The following BPIFB6 variants were observed in gnomAD, a reference collection of about 807,000 sequenced individuals.
BPIFB6 encodes BPI fold-containing family B member 6.
Under a neutral mutation model 54.7 loss-of-function variants are expected in BPIFB6, and 47 were observed. The ratio of observed to expected loss-of-function variants is 0.86; its 90% CI spans 0.68 to 1.10. The LOEUF (loss-of-function observed/expected upper bound fraction) is 1.10. BPIFB6 is among the 50% of genes least tolerant of loss of function. BPIFB6 has a pLI of 0.00. For synonymous variants in BPIFB6, 255 were observed against 225.9 expected, an observed-to-expected ratio of 1.13 and a Z score of -1.16; for missense variants, 603 against 564.1, an observed-to-expected ratio of 1.07 and a Z score of -0.70.
intron 4 of BPIFB6, 73 bp from the exon 5 acceptor site, chr20:33,035,008 C>A: frequency 6.2e-7 from 1 of 1,609,086 alleles, no homozygotes. Context: ...TAACCATGCC[C>A]CTTCATGTCC....
chr20:33,035,558 G>A (rs1264868377), intron 5 of BPIFB6, 54 bp from the exon 6 acceptor site: 14 of 1,571,888 alleles, frequency 8.9e-6, no homozygotes, highest in East Asian at 2.2e-5. Context: ...ATTCAGCTGT[G>A]TGGAGGCTCT....
At chr20:33,040,363 T>A (rs2146367902) in intron 11 of BPIFB6, 45 bp downstream of exon 11, 1 of 1,585,190 alleles carries the variant, frequency 6.3e-7, no homozygotes, top group Non-Finnish European at 8.7e-7. Context: ...TACCTTCACA[T>A]TTGGCCTTCT....
chr20:33,042,308 T>G (rs968911128), intron 12 of BPIFB6, among the ~76,000 whole-genome samples: 1 of 152,232 alleles, frequency 6.6e-6, no homozygotes, highest in Non-Finnish European at 1.5e-5. Context: ...GTTATTTTTA[T>G]TAGTCTCTGT....
chr20:33,034,327 C>T (rs145020673), intron 3 of BPIFB6, 37 bp downstream of exon 3: 972 of 1,408,782 alleles, frequency 6.9e-4, no homozygotes, highest in Non-Finnish European at 9.1e-4. Flanking sequence ...GGGAGGAGAA[C>T]GGCCTTCCTG....
intron 7 of BPIFB6, among the ~76,000 whole-genome samples, chr20:33,037,356 A>T (rs1319859013): frequency 2.0e-5 from 3 of 151,636 alleles, no homozygotes; most frequent in African/African-American, 4.9e-5. Context: ...TTAGTGACTG[A>T]CTCCCTTATC....
At chr20:33,038,879 G>A (rs747079656) in intron 8 of BPIFB6, 30 bp from the exon 9 acceptor site, 1 of 1,612,530 alleles carries the variant, frequency 6.2e-7, no homozygotes, top group South Asian at 1.1e-5. Context: ...GAGGACTCCA[G>A]CAACCCTAAC....
Position 33,033,015 on chromosome 20 carries a change from C to A in BPIFB6, c.129C>A (p.Ile43=). The change falls in exon 2 of 15, where the codon ATC becomes ATA. Residue 43 remains isoleucine (I), a synonymous_variant. Transcript: ENST00000349552. The part of the protein sequence containing the change: ...QVQSAMDESH[I]LEKMAAEAGK... ...AGAGCGCCATGGATGAGAGTCATAT[C>A]CTGGAGAAGATGGCAGCCGAGGCAG... The A allele has an allele frequency of 6.2e-7, 1 of 1,614,006 alleles. No individual in the cohort carries two copies. The highest frequency in any genetic ancestry group is 8.5e-7 in the Non-Finnish European group (1 of 1,179,932).
rs188367321 is a variant in BPIFB6 at position 33,032,726 on chromosome 20, C to T, written c.98-258C>T. ...AAAATTACTATTCCCCTTTCAAGTA[C>T]CAACTGATCTGTCACCTCCTCCTGG... On this transcript the variant is annotated intron_variant, in intron 1 of 14. Coordinates refer to ENST00000349552, the MANE Select transcript of BPIFB6 (RefSeq NM_174897.2). Among the ~76,000 whole-genome samples, 289 of 152,302 alleles carry T rather than the reference C, an allele frequency of 1.9e-3. 3 individuals carry two copies. The highest frequency in any genetic ancestry group is 3.1e-3 in the Non-Finnish European group (213 of 68,022).
chr20:33,039,216 C>T (rs1056100697), intron 9 of BPIFB6, 131 bp from the exon 10 acceptor site: 3 of 1,004,906 alleles, frequency 3.0e-6, no homozygotes, highest in East Asian at 2.4e-5. Context: ...CTGATAGACA[C>T]ATCCTGGCCT....
At chr20:33,038,797 T>C in intron 8 of BPIFB6, 112 bp from the exon 9 acceptor site, 1 of 1,002,490 alleles carries the variant, frequency 1.0e-6, no homozygotes, top group East Asian at 2.4e-5. Flanking sequence ...GAGCGTTAAG[T>C]ATTGTGATGA....
chr20:33,040,757 T>C (rs973171356), intron 11 of BPIFB6, among the ~76,000 whole-genome samples: 1 of 152,226 alleles, frequency 6.6e-6, no homozygotes, highest in Non-Finnish European at 1.5e-5. Flanking sequence ...CTGCATACAT[T>C]ATATTCATCA....
rs1979173183 is a variant in BPIFB6 at position 33,033,074 on chromosome 20, G to A, written c.188G>A (p.Gly63Asp). 1 of 1,613,342 alleles carries A rather than the reference G, an allele frequency of 6.2e-7. No homozygotes were observed. Among genetic ancestry groups the A allele is most frequent in the Non-Finnish European group, 8.5e-7 (1 of 1,179,308 alleles). The change falls in exon 2 of 15, where the codon GGC becomes GAC. Residue 63 changes from glycine to aspartate, a missense_variant. Physicochemically the swap from Gly to Asp is moderately conservative, Grantham distance 94. Coordinates refer to ENST00000349552, the MANE Select transcript of BPIFB6 (RefSeq NM_174897.2). ...CAGCCAGGGATGAAACCTATCAAGGGCATCACCAAGTGAGTAGGGGAGGGG... is the reference window on the plus strand; with the variant it reads ...CAGCCAGGGATGAAACCTATCAAGGACATCACCAAGTGAGTAGGGGAGGGG... ...KKQPGMKPIK[G>D]ITNLKVKDVQ...
At chr20:33,039,212 G>A (rs1979471085) in intron 9 of BPIFB6, 135 bp from the exon 10 acceptor site, 2 of 992,180 alleles carry the variant, frequency 2.0e-6, no homozygotes, top group Non-Finnish European at 3.0e-6. Flanking sequence ...TTTCCTGATA[G>A]ACACATCCTG....
At chr20:33,042,105 G>A (rs2070319) in intron 12 of BPIFB6, 90 bp downstream of exon 12, 541,602 of 1,354,628 alleles carry the variant, frequency 0.4, 112,526 homozygotes, top group East Asian at 0.75. Context: ...GCCCTGAAAT[G>A]GAGGCAGATG....
chr20:33,035,137 C>A lies in BPIFB6; in HGVS notation c.509C>A (p.Pro170His). ...GACAGCACCCTGCACAAAGTCCTCC[C>A]TGGGCTGGTGAGTGACCCAGAGAAA... ...FLDSTLHKVLPGLMCPAIDAV... is the reference protein window; with the variant it reads ...FLDSTLHKVLHGLMCPAIDAV... Residue 170 changes from proline (P) to histidine (H), a missense_variant, in exon 5 of 15, where the codon CCT becomes CAT. Coordinates refer to ENST00000349552, the MANE Select transcript of BPIFB6 (RefSeq NM_174897.2). 2 of 1,613,896 alleles carry A rather than the reference C, an allele frequency of 1.2e-6. No individual in the cohort carries two copies. Among genetic ancestry groups the A allele is most frequent in the Non-Finnish European group, 1.7e-6 (2 of 1,180,014 alleles).
chr20:33,036,649 C>T, intron 7 of BPIFB6, 113 bp downstream of exon 7: 1 of 1,026,182 alleles, frequency 9.7e-7, no homozygotes, highest in Admixed American at 1.8e-5. Flanking sequence ...GGAGGGAGGC[C>T]CCTCAAGCCG....
intron 8 of BPIFB6, 104 bp from the exon 9 acceptor site, chr20:33,038,805 T>A: frequency 9.1e-7 from 1 of 1,103,692 alleles, no homozygotes; most frequent in Non-Finnish European, 1.4e-6. Flanking sequence ...AGTATTGTGA[T>A]GAAGGGAGCC....
intron 12 of BPIFB6, among the ~76,000 whole-genome samples, chr20:33,042,344 G>A (rs1246029906): frequency 6.6e-6 from 1 of 152,188 alleles, no homozygotes; most frequent in Non-Finnish European, 1.5e-5. Flanking sequence ...CACAGAACCT[G>A]ACCCCAGGAG....
At chr20:33,034,435 A>T (rs41293142) in intron 3 of BPIFB6, 145 bp downstream of exon 3, 5 of 691,906 alleles carry the variant, frequency 7.2e-6, no homozygotes, top group Non-Finnish European at 1.3e-5. Flanking sequence ...TTTGTCAGGA[A>T]CCAGACCTAA....
Sources: allele counts gnomAD v4.1 joint callset (sites outside exome capture counted in the v4.1 genomes callset), GRCh38; gene constraint gnomAD v4.1.1; transcripts MANE v1.5; gene names NCBI Gene and HGNC (gene_info 2026-07-23, HGNC 2026-07-21).